Variants in LDLRAD3 observed in about 807,000 individuals in gnomAD.
The protein encoded by LDLRAD3 is low-density lipoprotein receptor class A domain-containing protein 3.
In LDLRAD3, 20 loss-of-function variants were observed where a neutral mutation model predicts 29.4. That is an observed-to-expected ratio of 0.68 (90% CI 0.48 to 0.99). The LOEUF (loss-of-function observed/expected upper bound fraction) is 0.99. LDLRAD3 is among the 50% of genes least tolerant of loss of function. The pLI is 0.00. For synonymous variants in LDLRAD3, 157 were observed against 192.7 expected, an observed-to-expected ratio of 0.81 and a Z score of 1.53; for missense variants, 420 against 454.3, an observed-to-expected ratio of 0.92 and a Z score of 0.69.
chr11:36,092,446 A>G (rs1167506243), intron 3 of LDLRAD3, among the ~76,000 whole-genome samples: 3 of 152,054 alleles, frequency 2.0e-5, no homozygotes, highest in Non-Finnish European at 4.4e-5. Flanking sequence ...TATTCACCCT[A>G]CTCTGGTTTC....
intron 4 of LDLRAD3, among the ~76,000 whole-genome samples, chr11:36,109,474 G>A (rs1853577109): frequency 6.6e-6 from 1 of 152,146 alleles, no homozygotes; most frequent in South Asian, 2.1e-4. Flanking sequence ...TTATCACCAT[G>A]GGGATACTAA....
chr11:35,994,038 A>G (rs569578901), intron 1 of LDLRAD3, among the ~76,000 whole-genome samples: 77 of 152,136 alleles, frequency 5.1e-4, no homozygotes, highest in Non-Finnish European at 4.1e-4. Flanking sequence ...TCTCAGGAAC[A>G]GAGAAGCTTC....
Position 36,229,625 on chromosome 11 carries a change from CCTTGGG to C in LDLRAD3, c.*229_*234del. On this transcript the variant is annotated 3_prime_UTR_variant, in exon 6 of 6. Coordinates refer to ENST00000315571, the MANE Select transcript of LDLRAD3 (RefSeq NM_174902.4). ...CGTCTTTTCTGTCAGGTCACTCTTC[CCTTGGG>C]ACCCGAGATCACACCCTCATTTTTC... 3 of 480,920 alleles carry C rather than the reference CCTTGGG, an allele frequency of 6.2e-6. No homozygotes were observed. The highest frequency in any genetic ancestry group is 4.7e-5 in the South Asian group (1 of 21,344). The allele number at this position is 480,920 out of a possible 1,614,324, so 29.8% of individuals were successfully genotyped here.
rs567051702 is a variant in LDLRAD3, at chr11:36,139,394, C to T, written c.454+40933C>T. ...TGTGTGTGTCTTCATTTTGTCTCCCCATTCAGGTCTCACTGTTAAAGAGTT... is the reference window on the plus strand; with the variant it reads ...TGTGTGTGTCTTCATTTTGTCTCCCTATTCAGGTCTCACTGTTAAAGAGTT... On this transcript the variant is annotated intron_variant, in intron 4 of 5. Coordinates refer to ENST00000315571, the MANE Select transcript of LDLRAD3 (RefSeq NM_174902.4). Among the ~76,000 whole-genome samples, 5 of 152,326 alleles carry T rather than the reference C, an allele frequency of 3.3e-5. No individual in the cohort carries two copies. The South Asian group carries it at 1.0e-3, about 32-fold the overall frequency.
intron 1 of LDLRAD3, among the ~76,000 whole-genome samples, chr11:35,971,498 A>G (rs1372449627): frequency 6.6e-6 from 1 of 152,230 alleles, no homozygotes; most frequent in Non-Finnish European, 1.5e-5. Context: ...TTAGATACAC[A>G]GAGAAACACC....
chr11:36,184,516 A>C (rs977398106), intron 4 of LDLRAD3, among the ~76,000 whole-genome samples: 2 of 152,068 alleles, frequency 1.3e-5, no homozygotes, highest in African/African-American at 4.8e-5. Flanking sequence ...GTCTTTGAAA[A>C]ATTATTTTTG....
chr11:36,144,784 C>T (rs1272171163), intron 4 of LDLRAD3, among the ~76,000 whole-genome samples: 16 of 132,608 alleles, frequency 1.2e-4, no homozygotes, highest in South Asian at 4.9e-4. Flanking sequence ...CCCGGCCAGC[C>T]GCCCCGTCCG....
intron 4 of LDLRAD3, among the ~76,000 whole-genome samples, chr11:36,217,926 GCTCATCTTGAAACTCTTAC>G (rs1156891877): frequency 1.3e-5 from 2 of 152,128 alleles, no homozygotes. Flanking sequence ...TTCAGAATGA[GCTCATCTTGAAACTCTTAC>G]CTTAATTATA....
At chr11:36,148,758 G>A (rs1440189113) in intron 4 of LDLRAD3, among the ~76,000 whole-genome samples, 1 of 152,182 alleles carries the variant, frequency 6.6e-6, no homozygotes, top group East Asian at 1.9e-4. Context: ...ATCTTCAAAG[G>A]TCTGAGGGAC....
At chr11:36,058,653 T>G (rs568530670) in intron 2 of LDLRAD3, among the ~76,000 whole-genome samples, 1 of 152,318 alleles carries the variant, frequency 6.6e-6, no homozygotes, top group East Asian at 1.9e-4. Context: ...CTCTCCCTAT[T>G]CTAATCCATT....
At chr11:36,137,522 G>T (rs1228693403) in intron 4 of LDLRAD3, among the ~76,000 whole-genome samples, 1 of 152,228 alleles carries the variant, frequency 6.6e-6, no homozygotes, top group Non-Finnish European at 1.5e-5. Flanking sequence ...TGGAAACAGT[G>T]TAATAGCAAC....
chr11:36,217,316 G>C (rs1409934461), intron 4 of LDLRAD3, among the ~76,000 whole-genome samples: 10 of 152,094 alleles, frequency 6.6e-5, no homozygotes, highest in Non-Finnish European at 1.2e-4. Flanking sequence ...TGAGCCCTGA[G>C]TGGGGTTCCA....
intron 2 of LDLRAD3, among the ~76,000 whole-genome samples, chr11:36,065,252 T>G (rs140022018): frequency 1.2e-3 from 190 of 152,344 alleles, no homozygotes; most frequent in African/African-American, 4.5e-3. Context: ...TATTTTATCA[T>G]AAAAGTTCTA....
intron 1 of LDLRAD3, chr11:35,968,055 T>C (rs910204870): frequency 2.1e-4 from 98 of 464,770 alleles, no homozygotes; most frequent in South Asian, 1.1e-3. Context: ...CCCAATTTTT[T>C]CTACCTCCGA....
chr11:36,049,971 C>G (rs1227651672), intron 2 of LDLRAD3, among the ~76,000 whole-genome samples: 6 of 152,176 alleles, frequency 3.9e-5, no homozygotes, highest in African/African-American at 1.4e-4. Context: ...TTTGCCTCTC[C>G]TGCTCTTTCA....
intron 1 of LDLRAD3, among the ~76,000 whole-genome samples, chr11:36,022,980 T>C (rs1852116616): frequency 6.6e-6 from 1 of 152,158 alleles, no homozygotes; most frequent in African/African-American, 2.4e-5. Context: ...ACAAACATCA[T>C]TTGCTCAAGA....
At chr11:36,016,408 T>C (rs1428380240) in intron 1 of LDLRAD3, among the ~76,000 whole-genome samples, 1 of 152,268 alleles carries the variant, frequency 6.6e-6, no homozygotes, top group African/African-American at 2.4e-5. Flanking sequence ...TCTCTTGTGC[T>C]TTAAGGAATG....
At chr11:36,096,176 A>C (rs1199427164) in intron 3 of LDLRAD3, among the ~76,000 whole-genome samples, 1 of 152,190 alleles carries the variant, frequency 6.6e-6, no homozygotes, top group African/African-American at 2.4e-5. Flanking sequence ...TGACCTTTCA[A>C]ATCAAACTTT....
rs760035178 is a variant in LDLRAD3 at position 36,081,730 on chromosome 11, T to C, written c.271T>C (p.Cys91Arg). Residue 91 changes from cysteine (C) to arginine (R), a missense_variant, in exon 3 of 6, where the codon TGC becomes CGC. Transcript: ENST00000315571. ...GIHCIIGRFRCNGFEDCPDGS... is the reference protein window; with the variant it reads ...GIHCIIGRFRRNGFEDCPDGS... ...CCATTGCATCATTGGTCGCTTCCGG[T>C]GCAATGGGTTTGAGGACTGTCCCGA... The C allele has an allele frequency of 1.2e-6, 2 of 1,614,226 alleles. No homozygotes were observed. The highest frequency in any genetic ancestry group is 1.7e-6 in the Non-Finnish European group (2 of 1,180,030).
Sources: gnomAD v4.1 joint callset for allele counts (sites outside exome capture counted in the v4.1 genomes callset) on GRCh38, gnomAD v4.1.1 for gene constraint, MANE v1.5 for transcripts, NCBI Gene and HGNC (gene_info 2026-07-23, HGNC 2026-07-21) for gene names.